Variants in SYT1 observed in about 807,000 individuals in gnomAD.
SYT1 encodes the protein synaptotagmin 1, also known as synaptotagmin-1.
A neutral mutation model predicts 44.8 loss-of-function variants in SYT1; 8 were observed. The ratio of observed to expected loss-of-function variants is 0.18; its 90% CI spans 0.10 to 0.32. SYT1 has a LOEUF of 0.32. Among genes scored for constraint, SYT1 ranks in the 10% least tolerant of loss-of-function variants. SYT1 has a pLI of 1.00. For missense variants in SYT1, 286 were observed against 509.3 expected, an observed-to-expected ratio of 0.56 and a Z score of 4.22; for synonymous variants, 154 against 188.8, an observed-to-expected ratio of 0.82 and a Z score of 1.51.
chr12:79,059,717 A>G lies in SYT1; in HGVS notation c.-18+12355A>G, dbSNP rs188353497. On this transcript the variant is annotated intron_variant, in intron 3 of 10. Coordinates refer to ENST00000261205, the MANE Select transcript of SYT1 (RefSeq NM_005639.3). ...AAGGCCAGGCCAGACCTTTGTAACCAGTTATACCAGGCTACTGTTAGACAG... is the reference window on the plus strand; with the variant it reads ...AAGGCCAGGCCAGACCTTTGTAACCGGTTATACCAGGCTACTGTTAGACAG... Among the ~76,000 whole-genome samples the G allele has an allele frequency of 3.3e-5, 5 of 152,194 alleles. No homozygotes were observed. The East Asian group carries it at 9.7e-4, about 30-fold the overall frequency.
At chr12:79,043,178 C>CCTTGTTGACTTTCTGT (rs1198194826) in intron 2 of SYT1, among the ~76,000 whole-genome samples, 1 of 150,112 alleles carries the variant, frequency 6.7e-6, no homozygotes, top group Non-Finnish European at 1.5e-5. Context: ...TCCTGGGTAT[C>CCTTGTTGACTTTCTGT]CTTGTTGACT....
chr12:79,185,347 G>A (rs1041786675), intron 3 of SYT1, among the ~76,000 whole-genome samples: 40 of 151,718 alleles, frequency 2.6e-4, no homozygotes, highest in Non-Finnish European at 2.9e-4. Flanking sequence ...ATTGAGCCTG[G>A]TAAGGTCTTC....
intron 3 of SYT1, among the ~76,000 whole-genome samples, chr12:79,162,956 A>G (rs77018823): frequency 6.6e-6 from 1 of 152,138 alleles, no homozygotes; most frequent in Non-Finnish European, 1.5e-5. Context: ...CACAGATACA[A>G]TGAATGTTCC....
chr12:79,128,625 T>C (rs995015786), intron 3 of SYT1, among the ~76,000 whole-genome samples: 37 of 152,360 alleles, frequency 2.4e-4, no homozygotes, highest in African/African-American at 8.9e-4. Context: ...ATCATCAACA[T>C]GCCCCTGCAA....
At chr12:79,037,348 C>A (rs1353053347) in intron 2 of SYT1, among the ~76,000 whole-genome samples, 3 of 151,578 alleles carry the variant, frequency 2.0e-5, no homozygotes, top group Non-Finnish European at 4.4e-5. Context: ...TGTCATCCCC[C>A]CTTTCTAAAA....
intron 4 of SYT1, among the ~76,000 whole-genome samples, chr12:79,219,183 G>C (rs1179025785): frequency 6.6e-6 from 1 of 151,886 alleles, no homozygotes; most frequent in South Asian, 2.1e-4. Flanking sequence ...TAGTCAGGTC[G>C]TTTGCCCTTC....
In SYT1 at chr12:79,292,121, A is replaced by G. The variant is rs1160741219; in HGVS notation, c.465A>G (p.Gln155=). The change falls in exon 6 of 11, where the codon CAA becomes CAG. Residue 155 remains glutamine (Q), a synonymous_variant. Transcript: ENST00000261205. ...AGTATTCACTGGATTATGATTTCCA[A>G]AATAACCAGGTCTGAAGTGGAGAAA... ...KLQYSLDYDF[Q]NNQLLVGIIQ... 7 of 1,613,652 alleles carry G rather than the reference A, an allele frequency of 4.3e-6. No homozygotes were observed. Among genetic ancestry groups the G allele is most frequent in the African/African-American group, 1.3e-5 (1 of 74,964 alleles).
intron 3 of SYT1, among the ~76,000 whole-genome samples, chr12:79,080,567 C>CT (rs1876962319): frequency 2.0e-5 from 3 of 151,740 alleles, no homozygotes; most frequent in Admixed American, 2.0e-4. Context: ...TTTCTTCAAT[C>CT]TTTAAGACAA....
chr12:78,931,308 A>AAG (rs1565723706), intron 1 of SYT1, among the ~76,000 whole-genome samples: 13 of 27,592 alleles, frequency 4.7e-4, no homozygotes, highest in African/African-American at 5.9e-4. Flanking sequence ...GGAAGGAAGG[A>AAG]GAGGGAGGGA....
chr12:79,403,976 A>C (rs1426817632), intron 9 of SYT1, among the ~76,000 whole-genome samples: 1 of 152,150 alleles, frequency 6.6e-6, no homozygotes, highest in Non-Finnish European at 1.5e-5. Flanking sequence ...ATATCGTTTA[A>C]TCTGTGTGTT....
At chr12:79,292,377 T>G (rs571812125) in intron 6 of SYT1, among the ~76,000 whole-genome samples, 24 of 152,268 alleles carry the variant, frequency 1.6e-4, no homozygotes, top group Non-Finnish European at 1.6e-4. Flanking sequence ...GCAGACAGAA[T>G]ACAAATTAAC....
chr12:79,225,535 A>T (rs1038101263), intron 4 of SYT1, among the ~76,000 whole-genome samples: 2 of 152,212 alleles, frequency 1.3e-5, no homozygotes, highest in African/African-American at 4.8e-5. Flanking sequence ...TTGAGGTCAT[A>T]ACTACCAGGC....
rs368776884 is a variant in SYT1 at position 79,020,843 on chromosome 12, T to A, written c.-83-26454T>A. On this transcript the variant is annotated intron_variant, in intron 2 of 10. Transcript: ENST00000261205. Reference sequence around the variant, plus strand: ...TAGACCATTGCTAAGCAAGGCTACCTAATGGGTGGTAAAGTAAAAACACAG... The same window carrying A: ...TAGACCATTGCTAAGCAAGGCTACCAAATGGGTGGTAAAGTAAAAACACAG... Among the ~76,000 whole-genome samples, 36 of 152,032 alleles carry A rather than the reference T, an allele frequency of 2.4e-4. No homozygotes were observed. The East Asian group carries it at 6.8e-3, about 29-fold the overall frequency.
intron 1 of SYT1, among the ~76,000 whole-genome samples, chr12:78,904,536 A>G (rs1875850803): frequency 2.0e-5 from 3 of 152,132 alleles, no homozygotes; most frequent in African/African-American, 7.2e-5. Context: ...CATTAATTCT[A>G]GAGTAGCTCA....
chr12:78,900,529 T>A (rs1451881497), intron 1 of SYT1, among the ~76,000 whole-genome samples: 1 of 151,638 alleles, frequency 6.6e-6, no homozygotes, highest in African/African-American at 2.4e-5. Context: ...TGAGTCCTAT[T>A]CTCTAGGCAA....
At chr12:79,204,106 C>T (rs1195535016) in intron 3 of SYT1, among the ~76,000 whole-genome samples, 1 of 152,172 alleles carries the variant, frequency 6.6e-6, no homozygotes, top group Non-Finnish European at 1.5e-5. Flanking sequence ...ATTCTCTCAT[C>T]TATAATAGAG....
In SYT1 at chr12:79,014,702, T is replaced by C. The variant is rs946829853; in HGVS notation, c.-83-32595T>C. 7.6e-4 allele frequency among the ~76,000 whole-genome samples: 115 copies of C among 152,210 alleles called. 1 individual carries two copies. The highest frequency in any genetic ancestry group is 2.9e-3 in the South Asian group (14 of 4,826). On this transcript the variant is annotated intron_variant, in intron 2 of 10. Coordinates refer to ENST00000261205, the MANE Select transcript of SYT1 (RefSeq NM_005639.3). ...GAAATACCATTTGACCCAGCCATCC[T>C]ATTACTGGGTATATACCCAAAGGAC...
intron 1 of SYT1, among the ~76,000 whole-genome samples, chr12:78,907,681 T>A (rs1592545772): frequency 6.6e-6 from 1 of 152,006 alleles, no homozygotes; most frequent in African/African-American, 2.4e-5. Flanking sequence ...AAATATAAAA[T>A]GCCAAGTGCC....
At chr12:78,890,711 C>T (rs1209106589) in intron 1 of SYT1, among the ~76,000 whole-genome samples, 2 of 151,744 alleles carry the variant, frequency 1.3e-5, no homozygotes, top group African/African-American at 4.8e-5. Context: ...AAAATGGACT[C>T]ATTTTCCCCA....
Sources: allele counts gnomAD v4.1 joint callset (sites outside exome capture counted in the v4.1 genomes callset), GRCh38; gene constraint gnomAD v4.1.1; transcripts MANE v1.5; gene names NCBI Gene and HGNC (gene_info 2026-07-23, HGNC 2026-07-21).